The following ERC1 variants were observed in gnomAD, a reference collection of about 807,000 sequenced individuals.
The protein encoded by ERC1 is ELKS/RAB6-interacting/CAST family member 1.
A neutral mutation model predicts 132.0 loss-of-function variants in ERC1; 56 were observed. That is an observed-to-expected ratio of 0.42 (90% CI 0.34 to 0.53). The LOEUF (loss-of-function observed/expected upper bound fraction) is 0.53, where lower values mean the gene tolerates loss of function less well. Ranked by LOEUF, ERC1 falls within the 20% of genes least tolerant of loss-of-function variation. The pLI is 0.03. For missense variants in ERC1, 1,202 were observed against 1,349.9 expected, an observed-to-expected ratio of 0.89 and a Z score of 1.72; for synonymous variants, 478 against 476.1, an observed-to-expected ratio of 1.00 and a Z score of -0.05.
intron 5 of ERC1, among the ~76,000 whole-genome samples, chr12:1,111,500 C>G (rs940326087): frequency 6.6e-6 from 1 of 152,174 alleles, no homozygotes; most frequent in African/African-American, 2.4e-5. Flanking sequence ...GTGCCCATAC[C>G]TGGCATATAA....
intron 2 of ERC1, among the ~76,000 whole-genome samples, chr12:1,045,659 G>A (rs983412433): frequency 6.6e-6 from 1 of 152,116 alleles, no homozygotes; most frequent in Non-Finnish European, 1.5e-5. Context: ...GACAGATATT[G>A]GTCCGTCTGG....
intron 1 of ERC1, among the ~76,000 whole-genome samples, chr12:1,002,160 CTTTTTTTTTTTTTTTTTTT>C (rs71055117): frequency 7.3e-4 from 28 of 38,482 alleles, no homozygotes; most frequent in African/African-American, 2.8e-3. Flanking sequence ...CCATGCCCGG[CTTTTTTTTTTTTTTTTTTT>C]TTTTTTTTTT....
intron 12 of ERC1, among the ~76,000 whole-genome samples, chr12:1,234,011 A>G (rs980545759): frequency 1.3e-4 from 20 of 152,358 alleles, no homozygotes; most frequent in South Asian, 2.1e-4. Flanking sequence ...ATCAGGAAGC[A>G]TGTATAAGGG....
At chr12:1,143,733 A>G (rs537505083) in intron 8 of ERC1, among the ~76,000 whole-genome samples, 51 of 152,002 alleles carry the variant, frequency 3.4e-4, no homozygotes, top group Non-Finnish European at 7.2e-4. Context: ...AGAATGGGGT[A>G]TATCTTTCCA....
At chr12:1,356,451 TTG>T (rs1167160165) in intron 15 of ERC1, among the ~76,000 whole-genome samples, 2 of 151,232 alleles carry the variant, frequency 1.3e-5, no homozygotes, top group Non-Finnish European at 2.9e-5. Flanking sequence ...GTTGCTGTTT[TTG>T]TGTGTGTGTG....
chr12:1,149,171 TTAAAG>T (rs199690946), intron 8 of ERC1, among the ~76,000 whole-genome samples: 3,837 of 152,280 alleles, frequency 0.025, 65 homozygotes, highest in Middle Eastern at 0.085. Context: ...AAAAATAACT[TTAAAG>T]TAATCTTTTT....
intron 15 of ERC1, among the ~76,000 whole-genome samples, chr12:1,292,416 A>G (rs2154340956): frequency 6.6e-6 from 1 of 152,322 alleles, no homozygotes; most frequent in East Asian, 1.9e-4. Context: ...ATAAATAAAT[A>G]TGATTTAAAA....
chr12:1,011,516 T>C (rs574071921), intron 1 of ERC1, among the ~76,000 whole-genome samples: 1 of 152,332 alleles, frequency 6.6e-6, no homozygotes, highest in Non-Finnish European at 1.5e-5. Context: ...AACATTTTCC[T>C]TTTTAAATAA....
At chr12:1,354,397 C>T (rs567372208) in intron 15 of ERC1, among the ~76,000 whole-genome samples, 80 of 152,012 alleles carry the variant, frequency 5.3e-4, no homozygotes, top group African/African-American at 1.9e-3. Context: ...GTGGCAGGCA[C>T]CTGTAACACC....
chr12:1,236,713 A>C, intron 12 of ERC1, 56 bp from the exon 13 acceptor site: 1 of 1,542,140 alleles, frequency 6.5e-7, no homozygotes. Context: ...CTAGATAAAC[A>C]TATTTGTTTC....
At chr12:1,084,675 T>G (rs1279197561) in intron 3 of ERC1, among the ~76,000 whole-genome samples, 2 of 151,694 alleles carry the variant, frequency 1.3e-5, no homozygotes, top group African/African-American at 4.8e-5. Context: ...CAGTCATTTT[T>G]TTTTTATTTT....
At chr12:1,372,689 A>G (rs910984255) in intron 16 of ERC1, among the ~76,000 whole-genome samples, 1 of 152,226 alleles carries the variant, frequency 6.6e-6, no homozygotes, top group Non-Finnish European at 1.5e-5. Flanking sequence ...CTCCTCGTTG[A>G]GTGCTCCTGG....
Position 1,035,411 on chromosome 12 carries a change from T to C in ERC1, c.669+6839T>C, listed in dbSNP as rs537731041. Among the ~76,000 whole-genome samples, 15 of 152,384 alleles carry C rather than the reference T, an allele frequency of 9.8e-5. No individual in the cohort carries two copies. In the South Asian group the frequency reaches 3.1e-3, roughly 32 times the overall value. ...GTGGTTCTTTATTATGGAGTTCTTT[T>C]AGAAGATGTTTCTGATATAAATACT... On this transcript the variant is annotated intron_variant, in intron 2 of 18. Transcript: ENST00000360905.
intron 13 of ERC1, among the ~76,000 whole-genome samples, chr12:1,255,901 A>G (rs1412160275): frequency 6.6e-6 from 1 of 151,536 alleles, no homozygotes; most frequent in Non-Finnish European, 1.5e-5. Context: ...AACCTCCCAA[A>G]GTGCTGGGAT....
At chr12:1,151,806 C>T (rs1484419021) in intron 8 of ERC1, 1 of 152,230 alleles carries the variant, frequency 6.6e-6, no homozygotes, top group Non-Finnish European at 1.5e-5. Context: ...CCAAGTAAGA[C>T]TAGGAGGCTT....
chr12:1,015,141 T>C (rs1308704717), intron 1 of ERC1, among the ~76,000 whole-genome samples: 1 of 151,972 alleles, frequency 6.6e-6, no homozygotes, highest in Non-Finnish European at 1.5e-5. Context: ...TGATCTTGGC[T>C]CACTGCAACC....
chr12:1,390,540 A>G (rs1367093056), intron 16 of ERC1: 1 of 152,206 alleles, frequency 6.6e-6, no homozygotes, highest in Non-Finnish European at 1.5e-5. Flanking sequence ...ACATGGGACA[A>G]AGAATGAATT....
At chr12:1,385,876 C>T (rs1440626001) in intron 16 of ERC1, 2 of 151,986 alleles carry the variant, frequency 1.3e-5, no homozygotes, top group African/African-American at 2.4e-5. Flanking sequence ...ACTTTTGTGT[C>T]GTCTAGTAAG....
At chr12:1,236,454 G>A (rs530388181) in intron 12 of ERC1, among the ~76,000 whole-genome samples, 4 of 152,214 alleles carry the variant, frequency 2.6e-5, no homozygotes, top group East Asian at 1.9e-4. Flanking sequence ...TACTGCTTCC[G>A]TATTTCCAAA....
Sources: allele counts gnomAD v4.1 joint callset (sites outside exome capture counted in the v4.1 genomes callset), GRCh38; gene constraint gnomAD v4.1.1; transcripts MANE v1.5; gene names NCBI Gene and HGNC (gene_info 2026-07-23, HGNC 2026-07-21).